Variants in DYSF observed in about 807,000 individuals in gnomAD.
DYSF encodes dysferlin.
DYSF carries 212 observed loss-of-function variants against 274.9 expected under a neutral mutation model. The observed-to-expected ratio is 0.77, with a 90% CI of 0.69 to 0.86. The LOEUF (loss-of-function observed/expected upper bound fraction) is 0.86, where lower values mean the gene tolerates loss of function less well. DYSF is among the 40% of genes least tolerant of loss of function. The probability of loss-of-function intolerance (pLI) is 0.00; values close to 1 mark genes in which losing one functional copy is unlikely to be tolerated. For synonymous variants in DYSF, 1,091 were observed against 1,078.7 expected, an observed-to-expected ratio of 1.01 and a Z score of -0.22; for missense variants, 2,666 against 2,783.2, an observed-to-expected ratio of 0.96 and a Z score of 0.95.
intron 11 of DYSF, 41 bp from the exon 12 acceptor site, chr2:71,520,748 C>G: frequency 6.3e-7 from 1 of 1,590,356 alleles, no homozygotes; most frequent in South Asian, 1.1e-5. Context: ...AGCCTGGGGT[C>G]TTCTGATTCT....
intron 13 of DYSF, among the ~76,000 whole-genome samples, chr2:71,528,069 C>G (rs1395509589): frequency 1.3e-5 from 2 of 152,160 alleles, no homozygotes; most frequent in Non-Finnish European, 2.9e-5. Flanking sequence ...AGGGTGGGGA[C>G]AGTGAACTGA....
chr2:71,678,716 T>C (rs564616138), intron 52 of DYSF, among the ~76,000 whole-genome samples: 1 of 151,892 alleles, frequency 6.6e-6, no homozygotes, highest in Non-Finnish European at 1.5e-5. Context: ...TAAAAATAAT[T>C]AAAAAAAAAT....
chr2:71,665,124 TTGAAGCA>T, intron 46 of DYSF, 31 bp from the exon 47 acceptor site: 1 of 1,612,190 alleles, frequency 6.2e-7, no homozygotes, highest in East Asian at 2.2e-5. Flanking sequence ...ATGAGTGTCC[TTGAAGCA>T]TCTCATCTAT....
chr2:71,676,557 A>G (rs1247191982), intron 52 of DYSF, among the ~76,000 whole-genome samples: 1 of 151,806 alleles, frequency 6.6e-6, no homozygotes, highest in Non-Finnish European at 1.5e-5. Context: ...TTTTTCTTAC[A>G]GACTTTGTGA....
At chr2:71,624,923 A>G (rs1210454684) in intron 41 of DYSF, among the ~76,000 whole-genome samples, 1 of 152,218 alleles carries the variant, frequency 6.6e-6, no homozygotes, top group Non-Finnish European at 1.5e-5. Context: ...CTGAGATGTC[A>G]TCAGATACTG....
intron 42 of DYSF, among the ~76,000 whole-genome samples, chr2:71,647,893 A>G (rs2094591705): frequency 6.6e-6 from 1 of 152,206 alleles, no homozygotes; most frequent in Admixed American, 6.5e-5. Flanking sequence ...TCCTTTGTTT[A>G]CAACCGTGGA....
intron 50 of DYSF, 73 bp downstream of exon 50, chr2:71,669,280 C>G (rs1039495028): frequency 3.1e-6 from 4 of 1,292,604 alleles, no homozygotes. Context: ...GTGCACAGCA[C>G]GGGGGGCTCT....
At chr2:71,655,658 G>A (rs911832529) in intron 42 of DYSF, among the ~76,000 whole-genome samples, 4 of 152,170 alleles carry the variant, frequency 2.6e-5, no homozygotes, top group Non-Finnish European at 5.9e-5. Context: ...CATTGTCATT[G>A]GATATCCTGT....
Position 71,613,418 on chromosome 2 carries a change from G to A in DYSF, c.4464+8G>A, listed in dbSNP as rs745311207. On this transcript the variant is annotated splice_region_variant and intron_variant, in intron 40 of 55. Coordinates refer to ENST00000410020, the MANE Select transcript of DYSF (RefSeq NM_001130987.2). ...CCCCTCATCCCCATCCAGGTAGGAT[G>A]GGCATCCTCCAGGGAGGCCTGGGTC... 1 of 1,610,978 alleles carries A rather than the reference G, an allele frequency of 6.2e-7. No individual in the cohort carries two copies. The highest frequency in any genetic ancestry group is 8.5e-7 in the Non-Finnish European group (1 of 1,178,684).
intron 1 of DYSF, among the ~76,000 whole-genome samples, chr2:71,472,713 T>C (rs2082125212): frequency 6.6e-6 from 1 of 152,234 alleles, no homozygotes; most frequent in South Asian, 2.1e-4. Flanking sequence ...GCCAACACTT[T>C]CTTAAGGTTC....
intron 4 of DYSF, among the ~76,000 whole-genome samples, chr2:71,506,523 G>T (rs920242910): frequency 1.3e-5 from 2 of 152,134 alleles, no homozygotes; most frequent in African/African-American, 4.8e-5. Flanking sequence ...TGTCAGGCGC[G>T]GGACCCGTGA....
At chr2:71,659,426 G>T (rs976350843) in intron 44 of DYSF, among the ~76,000 whole-genome samples, 43 of 152,324 alleles carry the variant, frequency 2.8e-4, no homozygotes, top group South Asian at 2.1e-3. Flanking sequence ...AAGGCTGAGG[G>T]TATAGGTTGG....
At chr2:71,570,010 G>T in intron 27 of DYSF, 76 bp downstream of exon 27, 1 of 1,365,344 alleles carries the variant, frequency 7.3e-7, no homozygotes, top group Non-Finnish European at 1.0e-6. Flanking sequence ...GGGACAGGTG[G>T]GGCATGTTTC....
intron 32 of DYSF, among the ~76,000 whole-genome samples, chr2:71,596,978 C>A (rs1383616368): frequency 6.6e-6 from 1 of 152,162 alleles, no homozygotes; most frequent in Non-Finnish European, 1.5e-5. Context: ...CCTGCCATTG[C>A]CCACCCCAAC....
At chr2:71,494,711 A>T (rs1400022077) in intron 3 of DYSF, among the ~76,000 whole-genome samples, 1 of 152,230 alleles carries the variant, frequency 6.6e-6, no homozygotes, top group African/African-American at 2.4e-5. Flanking sequence ...CCCTTGGCTC[A>T]GGGCCATTCT....
chr2:71,679,046 C>G lies in DYSF; in HGVS notation c.5885-11C>G. The G allele has an allele frequency of 1.2e-6, 2 of 1,613,852 alleles. No individual in the cohort carries two copies. The stretch of plus-strand genomic sequence containing the variant: ...AGAAACCCTTGGCCAAAAACTACCT[C>G]TCTGTTGCAGGCTCCCTGCAGCTCG... On this transcript the variant is annotated splice_polypyrimidine_tract_variant and intron_variant, in intron 52 of 55. Transcript: ENST00000410020.
In DYSF at chr2:71,493,079, G is replaced by A. The variant is rs978500429; in HGVS notation, c.240-10135G>A. ...TATATATATTTTTTTTGTAGAGACA[G>A]GGTCTCACTATGTTGTCCAGGCTGG... is the stretch of plus-strand genomic sequence containing the variant. On this transcript the variant is annotated intron_variant, in intron 3 of 55. Transcript: ENST00000410020. 2.6e-5 allele frequency among the ~76,000 whole-genome samples: 4 copies of A among 151,936 alleles called. No homozygotes were observed. The South Asian group carries it at 6.2e-4, about 24-fold the overall frequency.
At chr2:71,670,869 C>T (rs778647460) in intron 51 of DYSF, among the ~76,000 whole-genome samples, 12 of 152,096 alleles carry the variant, frequency 7.9e-5, no homozygotes, top group Non-Finnish European at 1.3e-4. Context: ...TTGTCCCACC[C>T]GGCATTAAAT....
In DYSF at chr2:71,516,512, C is replaced by T. The variant is rs560697845; in HGVS notation, c.951+270C>T. Among the ~76,000 whole-genome samples the T allele has an allele frequency of 7.9e-5, 12 of 152,352 alleles. No individual in the cohort carries two copies. The South Asian group carries it at 2.5e-3, about 32-fold the overall frequency. ...CAGCTCAGCTGGCAGGCAGCAGCTG[C>T]GGGAGAGCCCACTGCTCAGCATCCC... On this transcript the variant is annotated intron_variant, in intron 9 of 55. Transcript: ENST00000410020.
Sources: allele counts gnomAD v4.1 joint callset (sites outside exome capture counted in the v4.1 genomes callset), GRCh38; gene constraint gnomAD v4.1.1; transcripts MANE v1.5; gene names NCBI Gene and HGNC (gene_info 2026-07-23, HGNC 2026-07-21).